Variants in CAAP1 observed in about 807,000 individuals in gnomAD.
CAAP1 encodes conserved anti-apoptotic protein.
CAAP1 carries 20 observed loss-of-function variants against 34.0 expected under a neutral mutation model. The observed-to-expected ratio is 0.59, with a 90% CI of 0.41 to 0.86. The LOEUF (loss-of-function observed/expected upper bound fraction) is 0.86, where lower values mean the gene tolerates loss of function less well. Among genes scored for constraint, CAAP1 ranks in the 40% least tolerant of loss-of-function variants. CAAP1 has a pLI of 0.00. For missense variants in CAAP1, 538 were observed against 450.5 expected (o/e 1.19, Z -1.76); for synonymous variants, 213 against 166.7 (o/e 1.28, Z -2.14).
At position 26,846,415 on chromosome 9, in the gene CAAP1, CAAAA is replaced by C. The variant is rs761402354; in HGVS notation, c.740-3772_740-3769del. 6.4e-3 allele frequency among the ~76,000 whole-genome samples: 394 copies of C among 61,702 alleles called. 1 individual carries two copies. Among genetic ancestry groups the C allele is most frequent in the Non-Finnish European group, 0.011 (339 of 30,282 alleles). The allele number at this position is 61,702 out of a possible 152,430, so 40.5% of individuals were successfully genotyped here. On this transcript the variant is annotated intron_variant, in intron 5 of 5. Transcript: ENST00000333916. ...TGGGTGACAGAGCGAGACTCTGTCT[CAAAA>C]AAAAAAAAAAAAAAAAAAAAGAAGA...
At chr9:26,887,537 C>G in intron 1 of CAAP1, 24 bp from the exon 2 acceptor site, 1 of 1,401,058 alleles carries the variant, frequency 7.1e-7, no homozygotes, top group Non-Finnish European at 9.8e-7. Context: ...AATAAAGAAC[C>G]ATTAAACAAT....
intron 4 of CAAP1, among the ~76,000 whole-genome samples, chr9:26,870,341 T>C (rs757658652): frequency 6.6e-6 from 1 of 151,896 alleles, no homozygotes; most frequent in Non-Finnish European, 1.5e-5. Flanking sequence ...AGGGACACAG[T>C]GAGTGATAAA....
At chr9:26,870,917 G>A (rs1259119136) in intron 4 of CAAP1, among the ~76,000 whole-genome samples, 2 of 152,112 alleles carry the variant, frequency 1.3e-5, no homozygotes, top group East Asian at 2.0e-4. Context: ...GCGCCCAGCC[G>A]CAGGTCTATA....
intron 5 of CAAP1, among the ~76,000 whole-genome samples, chr9:26,844,630 C>A (rs759986164): frequency 3.3e-5 from 5 of 152,172 alleles, no homozygotes; most frequent in Non-Finnish European, 7.3e-5. Context: ...CTTGATCAGA[C>A]TCAGGTTCAA....
rs189474085 is a variant in CAAP1 at position 26,858,607 on chromosome 9, G to A, written c.739+2459C>T. On this transcript the variant is annotated intron_variant, in intron 5 of 5. Coordinates refer to ENST00000333916, the MANE Select transcript of CAAP1 (RefSeq NM_024828.4). ...GGAGGCTAAGGCAGGCAGATCACGAGGTCAGGAGATCAAGACCATCCTGGT... is the reference window on the plus strand; with the variant it reads ...GGAGGCTAAGGCAGGCAGATCACGAAGTCAGGAGATCAAGACCATCCTGGT... Among the ~76,000 whole-genome samples, 13 of 152,248 alleles carry A rather than the reference G, an allele frequency of 8.5e-5. 1 individual carries two copies. Among genetic ancestry groups the A allele is most frequent in the Admixed American group, 4.6e-4 (7 of 15,288 alleles).
chr9:26,881,897 G>C (rs1450885095), intron 4 of CAAP1, among the ~76,000 whole-genome samples: 4 of 152,098 alleles, frequency 2.6e-5, no homozygotes, highest in Non-Finnish European at 4.4e-5. Flanking sequence ...AGGGTGTGGT[G>C]GTTCCAGACG....
chr9:26,852,777 A>G (rs1822782464), intron 5 of CAAP1, among the ~76,000 whole-genome samples: 1 of 152,108 alleles, frequency 6.6e-6, no homozygotes, highest in Admixed American at 6.5e-5. Context: ...TTCTAGGTTT[A>G]TTAGAAGGTT....
chr9:26,855,663 A>C (rs1822854204), intron 5 of CAAP1, among the ~76,000 whole-genome samples: 1 of 152,244 alleles, frequency 6.6e-6, no homozygotes, highest in Non-Finnish European at 1.5e-5. Flanking sequence ...TGTAGCAGCC[A>C]AAACTGCAAA....
At position 26,842,159 on chromosome 9, in the gene CAAP1, C is replaced by A; in HGVS notation, c.*142G>T. On this transcript the variant is annotated 3_prime_UTR_variant, in exon 6 of 6. Transcript: ENST00000333916. The stretch of plus-strand genomic sequence containing the variant: ...AGTCAAAAAAATAAAAAGAAACAGC[C>A]ACAGGTAATTTAGGGCTAAAATGAG... 3.3e-6 allele frequency: 2 copies of A among 597,966 alleles called. No homozygotes were observed. Among genetic ancestry groups the A allele is most frequent in the Non-Finnish European group, 5.6e-6 (2 of 354,174 alleles). The allele number at this position is 597,966 out of a possible 1,614,324, so 37.0% of individuals were successfully genotyped here. A position where few individuals can be genotyped will look rare whatever the true frequency, so the allele number is the denominator to read the frequency against.
rs1365111492 is a variant in CAAP1 at position 26,892,501 on chromosome 9, C to A, written c.215G>T (p.Ser72Ile). ...CTCCACGCTGCTCCCGCCCCAACAG[C>A]TGCCGCCGCTCCCACCGCCGGTGAC... ...GSVTGGGSGG[S>I]CWGGSSVERS... Residue 72 changes from serine to isoleucine, a missense_variant, in exon 1 of 6, where the codon AGC becomes ATC. Coordinates refer to ENST00000333916, the MANE Select transcript of CAAP1 (RefSeq NM_024828.4). 6.4e-7 allele frequency: 1 copy of A among 1,565,750 alleles called. No homozygotes were observed. The highest frequency in any genetic ancestry group is 1.9e-5 in the Admixed American group (1 of 53,232).
At chr9:26,877,765 C>T (rs1823478839) in intron 4 of CAAP1, among the ~76,000 whole-genome samples, 1 of 152,030 alleles carries the variant, frequency 6.6e-6, no homozygotes, top group African/African-American at 2.4e-5. Context: ...ACTCAGTGAG[C>T]ACTTTCAATT....
intron 4 of CAAP1, among the ~76,000 whole-genome samples, chr9:26,863,673 A>G (rs1823056364): frequency 1.3e-5 from 2 of 151,808 alleles, no homozygotes. Context: ...TTTATAAACA[A>G]CTGTAAAGAG....
At chr9:26,858,561 G>A (rs12345417) in intron 5 of CAAP1, among the ~76,000 whole-genome samples, 6,568 of 152,128 alleles carry the variant, frequency 0.043, 472 homozygotes, top group African/African-American at 0.15. Context: ...GGTGGCTCAC[G>A]CCTGTAATCC....
At chr9:26,885,001 G>A in intron 3 of CAAP1, 116 bp from the exon 4 acceptor site, 3 of 703,772 alleles carry the variant, frequency 4.3e-6, no homozygotes, top group South Asian at 2.0e-5. Context: ...CTTTATACTG[G>A]GTCAAAACTT....
intron 5 of CAAP1, among the ~76,000 whole-genome samples, chr9:26,851,373 C>G (rs1025753619): frequency 5.9e-5 from 9 of 152,016 alleles, no homozygotes; most frequent in Non-Finnish European, 8.8e-5. Flanking sequence ...AAGCAAAATG[C>G]TACATGTAAA....
rs958066609 is a variant in CAAP1, at chr9:26,841,905, T to C, written c.*396A>G. On this transcript the variant is annotated 3_prime_UTR_variant, in exon 6 of 6. Transcript: ENST00000333916. ...TTTCTCAAATTAAATAATTTAATATTGTATTGTAAAATACAAGTAGCCTTA... is the reference window on the plus strand; with the variant it reads ...TTTCTCAAATTAAATAATTTAATATCGTATTGTAAAATACAAGTAGCCTTA... 6.5e-6 allele frequency: 1 copy of C among 154,204 alleles called. No homozygotes were observed. The highest frequency in any genetic ancestry group is 1.4e-5 in the Non-Finnish European group (1 of 69,392). 9.6% of individuals were successfully genotyped at this position (154,204 alleles called of 1,614,324 possible).
intron 3 of CAAP1, 32 bp from the exon 4 acceptor site, chr9:26,884,917 C>T (rs745499489): frequency 7.0e-7 from 1 of 1,419,476 alleles, no homozygotes; most frequent in Non-Finnish European, 9.8e-7. Flanking sequence ...TGAAAGCACA[C>T]TTATAAAAAC....
At chr9:26,863,954 G>C (rs1823066981) in intron 4 of CAAP1, among the ~76,000 whole-genome samples, 2 of 151,966 alleles carry the variant, frequency 1.3e-5, no homozygotes, top group Non-Finnish European at 1.5e-5. Context: ...ATCATGCCCG[G>C]CTAATTTTTT....
At chr9:26,879,394 C>A (rs934443109) in intron 4 of CAAP1, among the ~76,000 whole-genome samples, 1 of 152,052 alleles carries the variant, frequency 6.6e-6, no homozygotes, top group Admixed American at 6.6e-5. Context: ...CCTGAATTTA[C>A]GTTAAAAATT....
Sources: gnomAD v4.1 joint callset for allele counts (sites outside exome capture counted in the v4.1 genomes callset) on GRCh38, gnomAD v4.1.1 for gene constraint, MANE v1.5 for transcripts, NCBI Gene and HGNC (gene_info 2026-07-23, HGNC 2026-07-21) for gene names.